Variants in NXPE4 observed in about 807,000 individuals in gnomAD.
NXPE4 encodes the protein neurexophilin and PC-esterase domain family member 4, also known as NXPE family member 4.
A neutral mutation model predicts 33.3 loss-of-function variants in NXPE4; 42 were observed. The ratio of observed to expected loss-of-function variants is 1.26; its 90% CI spans 0.98 to 1.63. The LOEUF is 1.63. Among genes scored for constraint, NXPE4 ranks in the 40% most tolerant of loss-of-function variants. NXPE4 has a pLI of 0.00. For missense variants in NXPE4, 709 were observed against 647.6 expected (o/e 1.09, Z -1.03); for synonymous variants, 253 against 234.9 (o/e 1.08, Z -0.71).
intron 5 of NXPE4, among the ~76,000 whole-genome samples, chr11:114,576,329 A>G (rs1053910940): frequency 6.9e-6 from 1 of 144,272 alleles, no homozygotes; most frequent in African/African-American, 2.6e-5. Context: ...AGCAAATGCA[A>G]CAAAAACAAA....
At chr11:114,615,374 G>T in the NXPE4 span, among the ~76,000 whole-genome samples, 2 of 151,840 alleles carry the variant, frequency 1.3e-5, no homozygotes, top group South Asian at 4.1e-4. Flanking sequence ...ACTGTTACCC[G>T]GTGGATAATA....
chr11:114,624,351 T>C, the NXPE4 span, among the ~76,000 whole-genome samples: 1 of 151,530 alleles, frequency 6.6e-6, no homozygotes, highest in Non-Finnish European at 1.5e-5. Flanking sequence ...TGGATAATAA[T>C]TATTGCCCCA....
chr11:114,593,984 T>A (rs1949521477), intron 2 of NXPE4, among the ~76,000 whole-genome samples: 1 of 152,012 alleles, frequency 6.6e-6, no homozygotes, highest in South Asian at 2.1e-4. Context: ...ATAATTGAAG[T>A]CATGGAGTTA....
At chr11:114,605,237 A>C in the NXPE4 span, among the ~76,000 whole-genome samples, 3 of 151,104 alleles carry the variant, frequency 2.0e-5, 1 homozygote, top group African/African-American at 7.3e-5. Context: ...GCTGTTACCC[A>C]CTGGATAATA....
chr11:114,627,771 A>G, the NXPE4 span, among the ~76,000 whole-genome samples: 2 of 152,086 alleles, frequency 1.3e-5, no homozygotes, highest in African/African-American at 2.4e-5. Flanking sequence ...TATTCAGGAA[A>G]CCCATCTCAC....
At chr11:114,573,347 T>G (rs1223376015) in intron 5 of NXPE4, among the ~76,000 whole-genome samples, 1 of 152,116 alleles carries the variant, frequency 6.6e-6, no homozygotes, top group African/African-American at 2.4e-5. Flanking sequence ...AATAGAATAG[T>G]ATCTTATATC....
At chr11:114,671,583 A>T in the NXPE4 span, among the ~76,000 whole-genome samples, 2 of 152,040 alleles carry the variant, frequency 1.3e-5, no homozygotes, top group East Asian at 3.9e-4. Context: ...AATAAGACTA[A>T]CAACTGACTT....
At chr11:114,645,815 C>T in the NXPE4 span, among the ~76,000 whole-genome samples, 1 of 152,096 alleles carries the variant, frequency 6.6e-6, no homozygotes, top group Admixed American at 6.5e-5. Context: ...ATCACAGTGA[C>T]AGATGTCATG....
chr11:114,645,613 A>G, the NXPE4 span, among the ~76,000 whole-genome samples: 1 of 152,200 alleles, frequency 6.6e-6, no homozygotes, highest in Non-Finnish European at 1.5e-5. Context: ...GCTATGTCCA[A>G]TTAATAAAAT....
At chr11:114,659,433 C>CAA in the NXPE4 span, among the ~76,000 whole-genome samples, 36 of 146,828 alleles carry the variant, frequency 2.5e-4, no homozygotes, top group Non-Finnish European at 4.9e-4. Flanking sequence ...TTCTGTTAAA[C>CAA]AAAAAAAAGA....
the NXPE4 span, among the ~76,000 whole-genome samples, chr11:114,606,453 T>C: frequency 3.3e-5 from 5 of 151,144 alleles, no homozygotes; most frequent in East Asian, 9.9e-4. Context: ...ACCTGGGAGA[T>C]AATGTGTTGC....
At chr11:114,586,384 G>A (rs1377375017) in intron 2 of NXPE4, among the ~76,000 whole-genome samples, 1 of 152,158 alleles carries the variant, frequency 6.6e-6, no homozygotes, top group Non-Finnish European at 1.5e-5. Flanking sequence ...AGAAGGGGGA[G>A]TATAGAAGTG....
chr11:114,631,623 T>C, the NXPE4 span, among the ~76,000 whole-genome samples: 1 of 151,842 alleles, frequency 6.6e-6, no homozygotes, highest in African/African-American at 2.4e-5. Flanking sequence ...TGTATACATA[T>C]GTAACTAAAC....
the NXPE4 span, among the ~76,000 whole-genome samples, chr11:114,618,211 C>T: frequency 2.8e-4 from 42 of 152,038 alleles, no homozygotes; most frequent in African/African-American, 1.0e-3. Flanking sequence ...CATTGGTCAC[C>T]ACTGTTACCC....
the NXPE4 span, among the ~76,000 whole-genome samples, chr11:114,611,431 A>G: frequency 2.0e-5 from 3 of 151,020 alleles, no homozygotes; most frequent in Non-Finnish European, 4.4e-5. Context: ...CCTCTAGGGT[A>G]ATCACTGTTA....
At chr11:114,637,865 A>G in the NXPE4 span, among the ~76,000 whole-genome samples, 2 of 152,042 alleles carry the variant, frequency 1.3e-5, no homozygotes, top group Non-Finnish European at 2.9e-5. Context: ...CTTTGAGGGT[A>G]ACCCGACCTT....
chr11:114,632,639 AAAT>A, the NXPE4 span, among the ~76,000 whole-genome samples: 4 of 98,248 alleles, frequency 4.1e-5, no homozygotes, highest in South Asian at 5.5e-4. Flanking sequence ...TAATAAATGT[AAAT>A]AATAAATGTA....
chr11:114,627,263 C>T, the NXPE4 span, among the ~76,000 whole-genome samples: 2 of 151,880 alleles, frequency 1.3e-5, no homozygotes, highest in Admixed American at 1.3e-4. Context: ...TAAAGGCAGC[C>T]AGAGAGAAAG....
chr11:114,591,499 G>A (rs1280527056), intron 2 of NXPE4, among the ~76,000 whole-genome samples: 1 of 152,152 alleles, frequency 6.6e-6, no homozygotes, highest in Non-Finnish European at 1.5e-5. Context: ...AGCCAAGTCA[G>A]CAGCAAGAAA....
Sources: allele counts gnomAD v4.1 joint callset (sites outside exome capture counted in the v4.1 genomes callset), GRCh38; gene constraint gnomAD v4.1.1; transcripts MANE v1.5; gene names NCBI Gene and HGNC (gene_info 2026-07-23, HGNC 2026-07-21).